SPRR2B: variants seen among roughly 807,000 people sequenced by gnomAD.
The protein encoded by SPRR2B is small proline-rich protein 2B.
Under a neutral mutation model 1.0 loss-of-function variants are expected in SPRR2B, and 1 was observed. The ratio of observed to expected loss-of-function variants is 1.01; its 90% confidence interval spans 0.36 to 4.77. The LOEUF is 4.77. Ranked by LOEUF, SPRR2B falls within the 30% of genes most tolerant of loss-of-function variation. The pLI is 0.16. For synonymous variants in SPRR2B, 27 were observed against 33.4 expected, an observed-to-expected ratio of 0.81 and a Z score of 0.66; for missense variants, 53 against 88.7, an observed-to-expected ratio of 0.60 and a Z score of 1.62.
the SPRR2B span, among the ~76,000 whole-genome samples, chr1:153,084,032 C>T: frequency 6.6e-6 from 1 of 152,170 alleles, no homozygotes; most frequent in Admixed American, 6.5e-5. Flanking sequence ...GGGGTACCAG[C>T]CTGGATGCAC....
chr1:153,082,463 T>A, the SPRR2B span, among the ~76,000 whole-genome samples: 1 of 152,088 alleles, frequency 6.6e-6, no homozygotes, highest in East Asian at 1.9e-4. Context: ...ATCCATTGGG[T>A]TACAGAACAA....
At chr1:153,084,099 G>C in the SPRR2B span, among the ~76,000 whole-genome samples, 2 of 152,170 alleles carry the variant, frequency 1.3e-5, no homozygotes, top group African/African-American at 2.4e-5. Context: ...CTTTGTGCTG[G>C]CAGATCACAG....
At chr1:153,084,968 A>G in the SPRR2B span, among the ~76,000 whole-genome samples, 1 of 152,238 alleles carries the variant, frequency 6.6e-6, no homozygotes, top group Non-Finnish European at 1.5e-5. Context: ...AATTGATGTT[A>G]TACCACAATC....
Position 153,070,619 on chromosome 1 carries a change from T to A in SPRR2B, c.*2A>T. The stretch of plus-strand genomic sequence containing the variant: ...TCATGCTCCTGATGAATCCTGAAGC[T>A]GTTACTTGCTCTTCGGTGGATACTT... On this transcript the variant is annotated 3_prime_UTR_variant, in exon 2 of 2. Coordinates refer to ENST00000368755, the MANE Select transcript of SPRR2B (RefSeq NM_001388198.1). 6.2e-7 allele frequency: 1 copy of A among 1,611,738 alleles called. No homozygotes were observed. Among genetic ancestry groups the A allele is most frequent in the Non-Finnish European group, 8.5e-7 (1 of 1,179,640 alleles).
the SPRR2B span, among the ~76,000 whole-genome samples, chr1:153,076,655 A>G: frequency 6.6e-6 from 1 of 152,256 alleles, no homozygotes; most frequent in Admixed American, 6.5e-5. Flanking sequence ...ATCTTAAAAG[A>G]TAAACATAAT....
At chr1:153,072,535 G>T (rs426147), upstream of SPRR2B, among the ~76,000 whole-genome samples, 3 of 151,922 alleles carry the variant, frequency 2.0e-5, no homozygotes, top group African/African-American at 4.8e-5. Context: ...AAGAGAAGGG[G>T]TCTTCTCAGA....
At position 153,070,653 on chromosome 1, in the gene SPRR2B, A is replaced by T. The variant is rs1481729328; in HGVS notation, c.187T>A (p.Cys63Ser). The change falls in exon 2 of 2, where the codon TGC becomes AGC. Residue 63 changes from cysteine (C) to serine (S), a missense_variant. Physicochemically the swap from Cys to Ser is moderately radical, Grantham distance 112. Transcript: ENST00000368755. ...CTCTTCGGTGGATACTTTGGCTGGC[A>T]GGGTGGGGAAGGTGTCACAGGAGGA... ...KYPPVTPSPP[C>S]QPKYPPKSK 3.1e-6 allele frequency: 5 copies of T among 1,612,114 alleles called. No homozygotes were observed. In the African/African-American group the frequency reaches 6.7e-5, roughly 22 times the overall value.
At chr1:153,075,159 G>C (rs1274482671), upstream of SPRR2B, among the ~76,000 whole-genome samples, 1 of 151,970 alleles carries the variant, frequency 6.6e-6, no homozygotes, top group Non-Finnish European at 1.5e-5. Flanking sequence ...GCCTGGCCAA[G>C]ATGGTGAAAC....
At chr1:153,074,400 T>C (rs1019120893), upstream of SPRR2B, among the ~76,000 whole-genome samples, 2 of 152,232 alleles carry the variant, frequency 1.3e-5, no homozygotes, top group African/African-American at 4.8e-5. Context: ...ATATTCTTGA[T>C]AAGCTCAGAG....
the SPRR2B span, among the ~76,000 whole-genome samples, chr1:153,085,628 A>T: frequency 2.6e-5 from 4 of 152,240 alleles, no homozygotes; most frequent in Non-Finnish European, 5.9e-5. Flanking sequence ...CATCCATGAG[A>T]TCTTCCCCAG....
chr1:153,086,208 T>G, the SPRR2B span, among the ~76,000 whole-genome samples: 3 of 152,194 alleles, frequency 2.0e-5, no homozygotes, highest in South Asian at 6.2e-4. Flanking sequence ...ATGGGCTATA[T>G]GCCCCAATTA....
At chr1:153,084,239 C>T in the SPRR2B span, among the ~76,000 whole-genome samples, 2,504 of 152,264 alleles carry the variant, frequency 0.016, 69 homozygotes, top group African/African-American at 0.058. Context: ...CATGTGAGTG[C>T]ATGAGTGGGT....
the SPRR2B span, among the ~76,000 whole-genome samples, chr1:153,086,571 A>AATT: frequency 6.6e-5 from 10 of 152,310 alleles, no homozygotes; most frequent in East Asian, 1.9e-4. Context: ...ACTCCCCAGT[A>AATT]ATTATAGTGG....
the SPRR2B span, among the ~76,000 whole-genome samples, chr1:153,076,888 C>G: frequency 6.6e-6 from 1 of 152,184 alleles, no homozygotes; most frequent in East Asian, 1.9e-4. Context: ...AATGACCTAT[C>G]AAGACTCACA....
upstream of SPRR2B, among the ~76,000 whole-genome samples, chr1:153,074,772 G>A (rs1654740673): frequency 6.6e-6 from 1 of 152,102 alleles, no homozygotes; most frequent in Admixed American, 6.5e-5. Flanking sequence ...TACTGAGTAA[G>A]GAATCTTAAA....
the SPRR2B span, among the ~76,000 whole-genome samples, chr1:153,081,994 T>C: frequency 1.3e-5 from 2 of 152,250 alleles, no homozygotes; most frequent in Admixed American, 1.3e-4. Context: ...TTTGTATTTT[T>C]AGTAGAGACA....
the SPRR2B span, among the ~76,000 whole-genome samples, chr1:153,085,124 G>T: frequency 2.6e-5 from 4 of 152,180 alleles, no homozygotes; most frequent in Non-Finnish European, 5.9e-5. Flanking sequence ...AGGTGTCTTT[G>T]TTCCTCCAAA....
chr1:153,071,688 T>A (rs1049745240), upstream of SPRR2B, among the ~76,000 whole-genome samples: 1 of 152,156 alleles, frequency 6.6e-6, no homozygotes, highest in African/African-American at 2.4e-5. Context: ...TAAACTGAGC[T>A]GGTCCAGCAA....
In SPRR2B at chr1:153,070,635, G is replaced by T; in HGVS notation, c.205C>A (p.Pro69Thr). The change falls in exon 2 of 2, where the codon CCG (proline) becomes ACG (threonine). Residue 69 changes from proline (P) to threonine (T), a missense_variant. Coordinates refer to ENST00000368755, the MANE Select transcript of SPRR2B (RefSeq NM_001388198.1). ...TCCTGAAGCTGTTACTTGCTCTTCG[G>T]TGGATACTTTGGCTGGCAGGGTGGG... ...PSPPCQPKYP[P>T]KSK The T allele has an allele frequency of 6.2e-7, 1 of 1,612,226 alleles. No individual in the cohort carries two copies. The highest frequency in any genetic ancestry group is 1.1e-5 in the South Asian group (1 of 90,966).
Sources: gnomAD v4.1 joint callset for allele counts (sites outside exome capture counted in the v4.1 genomes callset) on GRCh38, gnomAD v4.1.1 for gene constraint, MANE v1.5 for transcripts, NCBI Gene and HGNC (gene_info 2026-07-23, HGNC 2026-07-21) for gene names.